CDYL: variants seen among roughly 807,000 people sequenced by gnomAD.
CDYL encodes chromodomain Y-like protein.
In CDYL, 8 loss-of-function variants were observed where a neutral mutation model predicts 47.3. That is an observed-to-expected ratio of 0.17 (90% CI 0.10 to 0.31). CDYL has a LOEUF of 0.31. Ranked by LOEUF, CDYL falls within the 10% of genes least tolerant of loss-of-function variation. The pLI is 1.00. For missense variants in CDYL, 471 were observed against 701.4 expected, an observed-to-expected ratio of 0.67 and a Z score of 3.71; for synonymous variants, 266 against 265.0, an observed-to-expected ratio of 1.00 and a Z score of -0.04.
At chr6:4,824,228 A>G (rs139964363) in intron 1 of CDYL, among the ~76,000 whole-genome samples, 8 of 152,234 alleles carry the variant, frequency 5.3e-5, no homozygotes, top group Non-Finnish European at 8.8e-5. Flanking sequence ...GTTTTCAGGT[A>G]TTTGGTATAT....
chr6:4,858,997 C>T (rs1336796112), intron 1 of CDYL, among the ~76,000 whole-genome samples: 1 of 152,184 alleles, frequency 6.6e-6, no homozygotes, highest in Non-Finnish European at 1.5e-5. Context: ...TGGGCTGGTT[C>T]ATGACTGATG....
chr6:4,744,139 G>A (rs1043377012), intron 3 of CDYL, among the ~76,000 whole-genome samples: 5 of 152,192 alleles, frequency 3.3e-5, no homozygotes, highest in African/African-American at 1.2e-4. Context: ...GATGGGAGTT[G>A]GGAAGGAGAG....
At chr6:4,944,836 C>T (rs578077655) in intron 5 of CDYL, among the ~76,000 whole-genome samples, 7 of 152,226 alleles carry the variant, frequency 4.6e-5, no homozygotes, top group Non-Finnish European at 8.8e-5. Flanking sequence ...AACCTGGCAG[C>T]TACCACCTTG....
chr6:4,854,217 G>A (rs1296343486), intron 1 of CDYL, among the ~76,000 whole-genome samples: 1 of 152,282 alleles, frequency 6.6e-6, no homozygotes, highest in South Asian at 2.1e-4. Flanking sequence ...CCAGTGTCTG[G>A]CTCTCCTCAC....
chr6:4,950,927 G>A (rs988121526), intron 5 of CDYL, among the ~76,000 whole-genome samples: 3 of 93,830 alleles, frequency 3.2e-5, no homozygotes, highest in Non-Finnish European at 4.5e-5. Flanking sequence ...AGGAGACTCC[G>A]TCTCAAAAAA....
chr6:4,776,117 C>G (rs1418285054), upstream of CDYL, among the ~76,000 whole-genome samples: 2 of 150,094 alleles, frequency 1.3e-5, no homozygotes, highest in South Asian at 2.1e-4. Context: ...CAGGCCGACC[C>G]CGCAAGCGGG....
intron 2 of CDYL, among the ~76,000 whole-genome samples, chr6:4,927,094 T>C (rs1233447660): frequency 6.6e-6 from 1 of 152,250 alleles, no homozygotes; most frequent in East Asian, 1.9e-4. Context: ...GTTTCCTTAC[T>C]ACTAGGCATG....
intron 1 of CDYL, among the ~76,000 whole-genome samples, chr6:4,846,296 T>C (rs763979060): frequency 2.0e-5 from 3 of 152,188 alleles, no homozygotes; most frequent in Non-Finnish European, 2.9e-5. Context: ...TGGAGACATG[T>C]GCAAATTACT....
intron 1 of CDYL, among the ~76,000 whole-genome samples, chr6:4,778,458 T>C (rs968893382): frequency 2.0e-5 from 3 of 152,208 alleles, no homozygotes; most frequent in Admixed American, 2.0e-4. Flanking sequence ...CAGGTTTCTG[T>C]TCCTAACAGA....
At chr6:4,783,904 C>T (rs778282242) in intron 1 of CDYL, among the ~76,000 whole-genome samples, 7 of 152,130 alleles carry the variant, frequency 4.6e-5, no homozygotes, top group South Asian at 2.1e-4. Context: ...CTCATCAGCT[C>T]GAAAATGGAT....
At chr6:4,879,400 T>G (rs1761702612) in intron 1 of CDYL, among the ~76,000 whole-genome samples, 1 of 152,190 alleles carries the variant, frequency 6.6e-6, no homozygotes, top group Admixed American at 6.5e-5. Flanking sequence ...TAAATTGACC[T>G]TATAATAAAG....
intron 1 of CDYL, chr6:4,715,635 A>T: frequency 1.8e-6 from 2 of 1,090,250 alleles, no homozygotes; most frequent in Non-Finnish European, 1.3e-6. Flanking sequence ...ATGCTGGCTC[A>T]CTCTCAGATT....
rs1176090428 is a variant in CDYL, at chr6:4,954,513, CAG to C, written c.*460_*461del. 6.5e-6 allele frequency: 1 copy of C among 152,712 alleles called. No homozygotes were observed. The highest frequency in any genetic ancestry group is 1.5e-5 in the Non-Finnish European group (1 of 68,112). The allele number at this position is 152,712 out of a possible 1,614,324, so 9.5% of individuals were successfully genotyped here. ...CGCCTCCCTGCCCCACGTAGAGACACAGAGTGATGTGAGGCGTTGGCTTTTTC... is the reference window on the plus strand; with the variant it reads ...CGCCTCCCTGCCCCACGTAGAGACACAGTGATGTGAGGCGTTGGCTTTTTC... On this transcript the variant is annotated 3_prime_UTR_variant, in exon 7 of 7. Coordinates refer to ENST00000397588, the MANE Select transcript of CDYL (RefSeq NM_004824.4).
intron 5 of CDYL, among the ~76,000 whole-genome samples, chr6:4,951,362 C>T (rs558140182): frequency 3.3e-5 from 5 of 152,050 alleles, no homozygotes; most frequent in African/African-American, 1.2e-4. Flanking sequence ...CACCCCTTCC[C>T]GCCTTATCTC....
At chr6:4,873,714 A>G (rs1308413494) in intron 1 of CDYL, among the ~76,000 whole-genome samples, 2 of 152,216 alleles carry the variant, frequency 1.3e-5, no homozygotes, top group Non-Finnish European at 2.9e-5. Flanking sequence ...TGGATGTGAT[A>G]ATATACAATT....
At chr6:4,947,660 C>G (rs766319694) in intron 5 of CDYL, among the ~76,000 whole-genome samples, 1 of 152,120 alleles carries the variant, frequency 6.6e-6, no homozygotes, top group Non-Finnish European at 1.5e-5. Flanking sequence ...TCTTCACCCT[C>G]GGTCTGTCCA....
At chr6:4,800,126 T>C (rs1376852070) in intron 1 of CDYL, among the ~76,000 whole-genome samples, 4 of 152,156 alleles carry the variant, frequency 2.6e-5, no homozygotes, top group Non-Finnish European at 5.9e-5. Flanking sequence ...TGCTTTTTAA[T>C]TGAAATTAAT....
chr6:4,935,403 T>G, intron 2 of CDYL, 112 bp from the exon 3 acceptor site: 1 of 927,812 alleles, frequency 1.1e-6, no homozygotes, highest in Non-Finnish European at 1.6e-6. Flanking sequence ...TATTCTTATA[T>G]TCGTTTAATC....
intron 1 of CDYL, among the ~76,000 whole-genome samples, chr6:4,861,524 T>C (rs537907611): frequency 1.3e-5 from 2 of 152,258 alleles, no homozygotes; most frequent in East Asian, 3.9e-4. Context: ...TCTCAAGAAG[T>C]AGGGGGAAGA....
Sources: gnomAD v4.1 joint callset for allele counts (sites outside exome capture counted in the v4.1 genomes callset) on GRCh38, gnomAD v4.1.1 for gene constraint, MANE v1.5 for transcripts, NCBI Gene and HGNC (gene_info 2026-07-23, HGNC 2026-07-21) for gene names.